Variants in SMIM7 observed in about 807,000 individuals in gnomAD.
The protein encoded by SMIM7 is UPF0608 protein C19orf42.
Under a neutral mutation model 13.3 loss-of-function variants are expected in SMIM7, and 12 were observed. That is an observed-to-expected ratio of 0.90 (90% confidence interval 0.58 to 1.46). The LOEUF (loss-of-function observed/expected upper bound fraction) is 1.46. SMIM7 is among the 40% of genes most tolerant of loss of function. SMIM7 has a pLI of 0.00. For missense variants in SMIM7, 114 were observed against 94.8 expected (o/e 1.20, Z -0.84); for synonymous variants, 36 against 35.8 (o/e 1.01, Z -0.02).
intron 3 of SMIM7, 137 bp downstream of exon 3, chr19:16,659,258 G>T: frequency 1.2e-6 from 1 of 832,542 alleles, no homozygotes; most frequent in Non-Finnish European, 1.9e-6. Flanking sequence ...ACTCCAACCT[G>T]GACAACAGAG....
chr19:16,638,661 C>T (rs1157977579), intron 4 of SMIM7, among the ~76,000 whole-genome samples: 1 of 152,086 alleles, frequency 6.6e-6, no homozygotes, highest in East Asian at 1.9e-4. Context: ...GCAAGATGGC[C>T]TAATACACAG....
chr19:16,635,955 A>T (rs1379823431), intron 4 of SMIM7, among the ~76,000 whole-genome samples: 1 of 150,010 alleles, frequency 6.7e-6, no homozygotes, highest in African/African-American at 2.5e-5. Flanking sequence ...CTGTGTTAGC[A>T]GAGTACTTGC....
Position 16,647,272 on chromosome 19 carries a change from C to G in SMIM7, c.213-11G>C. On this transcript the variant is annotated splice_polypyrimidine_tract_variant and intron_variant, in intron 4 of 4. Transcript: ENST00000487416. ...CAAGAGCCGAACAGCCTGGAGAAGT[C>G]AGAGGGCAGAAATGTCTGTGAGGAT... 8.7e-6 allele frequency: 14 copies of G among 1,613,848 alleles called. No homozygotes were observed. The highest frequency in any genetic ancestry group is 1.2e-5 in the Non-Finnish European group (14 of 1,179,984).
At chr19:16,659,573 A>G in intron 2 of SMIM7, 126 bp from the exon 3 acceptor site, 1 of 936,460 alleles carries the variant, frequency 1.1e-6, no homozygotes, top group Non-Finnish European at 1.7e-6. Flanking sequence ...TTGCTGTGTG[A>G]CCTCTGACGT....
chr19:16,635,435 T>C (rs2086351561), intron 4 of SMIM7, among the ~76,000 whole-genome samples: 1 of 149,904 alleles, frequency 6.7e-6, no homozygotes, highest in Non-Finnish European at 1.5e-5. Context: ...GTATAAGCCA[T>C]TTCCCCAAAG....
downstream of SMIM7, among the ~76,000 whole-genome samples, chr19:16,644,438 T>C (rs1442740905): frequency 6.9e-6 from 1 of 145,160 alleles, no homozygotes; most frequent in Non-Finnish European, 1.5e-5. Flanking sequence ...GTTTGTAACT[T>C]TTTTTTTTTT....
At chr19:16,640,987 T>C, downstream of SMIM7, 1 of 151,714 alleles carries the variant, frequency 6.6e-6, no homozygotes, top group Admixed American at 6.6e-5. Flanking sequence ...CACTTGAAAA[T>C]GGGAGGGAAG....
At chr19:16,657,903 T>C (rs1391163938) in intron 3 of SMIM7, among the ~76,000 whole-genome samples, 1 of 152,178 alleles carries the variant, frequency 6.6e-6, no homozygotes, top group Non-Finnish European at 1.5e-5. Flanking sequence ...GGCGTGGTAG[T>C]AAGTGCCTGT....
intron 4 of SMIM7, 99 bp downstream of exon 4, chr19:16,653,936 G>A (rs2086562340): frequency 1.1e-6 from 1 of 907,258 alleles, no homozygotes; most frequent in South Asian, 1.6e-5. Context: ...CAGGATACAA[G>A]AGTGATGACT....
At chr19:16,640,746 A>G (rs1599361186), downstream of SMIM7, 1 of 152,240 alleles carries the variant, frequency 6.6e-6, no homozygotes, top group East Asian at 1.9e-4. Context: ...CAGCCTGGCC[A>G]ACATGGAGAA....
At chr19:16,657,798 A>G (rs949255271) in intron 3 of SMIM7, among the ~76,000 whole-genome samples, 1 of 152,194 alleles carries the variant, frequency 6.6e-6, no homozygotes, top group African/African-American at 2.4e-5. Flanking sequence ...TGGGAGGCTG[A>G]GGTGGGAGGA....
At chr19:16,659,924 CG>C (rs1381822024) in intron 2 of SMIM7, 34 bp downstream of exon 2, 1 of 1,595,418 alleles carries the variant, frequency 6.3e-7, no homozygotes, top group Non-Finnish European at 8.5e-7. Flanking sequence ...ACGGGTTCCC[CG>C]GATGGAGCCG....
At chr19:16,656,276 T>C (rs1384698965) in intron 3 of SMIM7, among the ~76,000 whole-genome samples, 3 of 151,962 alleles carry the variant, frequency 2.0e-5, no homozygotes, top group Non-Finnish European at 4.4e-5. Context: ...TAATCCCAAA[T>C]CCTCGGGAGG....
chr19:16,652,761 C>A, intron 4 of SMIM7: 1 of 1,489,286 alleles, frequency 6.7e-7, no homozygotes. Flanking sequence ...GTCTCAATCA[C>A]TCAGGACAGA....
chr19:16,660,050 G>T (rs2086657284), intron 1 of SMIM7, 35 bp downstream of exon 1: 1 of 1,614,034 alleles, frequency 6.2e-7, no homozygotes, highest in African/African-American at 1.3e-5. Context: ...GTCCTGCCTG[G>T]CTCTCTCTTC....
chr19:16,654,219 C>T lies in SMIM7; in HGVS notation c.122-94G>A, dbSNP rs1324402594. 15 of 973,934 alleles carry T rather than the reference C, an allele frequency of 1.5e-5. No individual in the cohort carries two copies. In the East Asian group the frequency reaches 2.7e-4, roughly 17 times the overall value. The allele number at this position is 973,934 out of a possible 1,614,324, so 60.3% of individuals were successfully genotyped here. On this transcript the variant is annotated intron_variant, in intron 3 of 4. Coordinates refer to ENST00000487416, the MANE Select transcript of SMIM7 (RefSeq NM_024104.4). ...ATTTTTGTGACTTCCACCCACCCGG[C>T]GCTTGCTGCCTCCAACTTCGGCAAC... is the stretch of plus-strand genomic sequence containing the variant.
chr19:16,647,862 C>T (rs1169472988), intron 4 of SMIM7, among the ~76,000 whole-genome samples: 1 of 152,048 alleles, frequency 6.6e-6, no homozygotes, highest in African/African-American at 2.4e-5. Context: ...AAACTCATTC[C>T]AAAATAAAAA....
Position 16,647,205 on chromosome 19 carries a change from G to A in SMIM7, c.*41C>T, listed in dbSNP as rs369381981. The A allele has an allele frequency of 8.7e-5, 141 of 1,613,552 alleles. No homozygotes were observed. Among genetic ancestry groups the A allele is most frequent in the Middle Eastern group, 5.0e-4 (3 of 6,060 alleles). On this transcript the variant is annotated 3_prime_UTR_variant, in exon 5 of 5. Transcript: ENST00000487416. Reference sequence around the variant, plus strand: ...ATCAGGAATGGAGGAATGGAGACTCGGCATCCCGGGAAAGTGAGTTCCTGG... The same window carrying A: ...ATCAGGAATGGAGGAATGGAGACTCAGCATCCCGGGAAAGTGAGTTCCTGG...
At chr19:16,651,928 G>T (rs1341970235) in intron 4 of SMIM7, among the ~76,000 whole-genome samples, 1 of 138,438 alleles carries the variant, frequency 7.2e-6, no homozygotes, top group Non-Finnish European at 1.5e-5. Flanking sequence ...AAGCATAGAA[G>T]CATAGTGACT....
Sources: allele counts gnomAD v4.1 joint callset (sites outside exome capture counted in the v4.1 genomes callset), GRCh38; gene constraint gnomAD v4.1.1; transcripts MANE v1.5; gene names NCBI Gene and HGNC (gene_info 2026-07-23, HGNC 2026-07-21).